Variants in TMEM54 observed in about 807,000 individuals in gnomAD.
TMEM54 encodes transmembrane protein 54.
TMEM54 carries 21 observed loss-of-function variants against 21.3 expected under a neutral mutation model. That is an observed-to-expected ratio of 0.99 (90% confidence interval 0.70 to 1.42). TMEM54 has a LOEUF of 1.42. Among genes scored for constraint, TMEM54 ranks in the 40% most tolerant of loss-of-function variants. The pLI is 0.00. For synonymous variants in TMEM54, 109 were observed against 125.0 expected (o/e 0.87, Z 0.86); for missense variants, 246 against 294.0 (o/e 0.84, Z 1.19).
At chr1:32,894,987 G>C in intron 5 of TMEM54, 108 bp from the exon 6 acceptor site, 1 of 1,505,528 alleles carries the variant, frequency 6.6e-7, no homozygotes, top group Non-Finnish European at 8.9e-7. Context: ...CTCTCTGGGG[G>C]CAAAGGGGCA....
At chr1:32,900,865 G>A (rs2124059428) in intron 1 of TMEM54, among the ~76,000 whole-genome samples, 1 of 152,362 alleles carries the variant, frequency 6.6e-6, no homozygotes, top group East Asian at 1.9e-4. Context: ...GGGAAGCTGA[G>A]GCCTGGCCCC....
chr1:32,898,025 CT>C (rs1247312297), intron 2 of TMEM54, 100 bp downstream of exon 2: 2 of 1,141,430 alleles, frequency 1.8e-6, no homozygotes, highest in African/African-American at 3.1e-5. Flanking sequence ...GTCCTTGAGG[CT>C]GTCTGCTTAC....
At position 32,896,626 on chromosome 1, in the gene TMEM54, C is replaced by T. The variant is rs116219318; in HGVS notation, c.211-657G>A. On this transcript the variant is annotated intron_variant, in intron 2 of 5. Transcript: ENST00000373463. This position sits in a 1 kb window ranked among gnomAD's most constrained non-coding sequence, Gnocchi z 4.1. ...TTGCACACGTTTCCCTAACCAGCCT[C>T]GATCCCAAGGGGTGGGGCTACCCCA... Among the ~76,000 whole-genome samples, 343 of 152,354 alleles carry T rather than the reference C, an allele frequency of 2.3e-3. 1 individual carries two copies. The highest frequency in any genetic ancestry group is 7.7e-3 in the African/African-American group (321 of 41,588).
Position 32,898,168 on chromosome 1 carries a change from C to G in TMEM54, c.168G>C (p.Gln56His), listed in dbSNP as rs369028400. 1.4e-5 allele frequency: 23 copies of G among 1,611,564 alleles called. No homozygotes were observed. Among genetic ancestry groups the G allele is most frequent in the Non-Finnish European group, 1.7e-5 (20 of 1,177,908 alleles). Reference sequence around the variant, plus strand: ...CAGAGAGGATGTTGACCACGCAGTACTGCAGAGCCACCGCATCTTGAGGGG... The same window carrying G: ...CAGAGAGGATGTTGACCACGCAGTAGTGCAGAGCCACCGCATCTTGAGGGG... ...VGTPQDAVAL[Q>H]YCVVNILSVT... Residue 56 changes from glutamine to histidine, a missense_variant, in exon 2 of 6, where the codon CAG (glutamine) becomes CAC (histidine). Transcript: ENST00000373463.
rs1317864371 is a variant in TMEM54, at chr1:32,897,353, G to A, written c.210+773C>T. On this transcript the variant is annotated intron_variant, in intron 2 of 5. Coordinates refer to ENST00000373463, the MANE Select transcript of TMEM54 (RefSeq NM_033504.4). This position sits in a 1 kb window ranked among gnomAD's most constrained non-coding sequence, Gnocchi z 4.9. Reference sequence around the variant, plus strand: ...GATGGAACTCAGACACTGATGTGCGGGAGGATCTTCCCCCGAGGCTGTGGC... The same window carrying A: ...GATGGAACTCAGACACTGATGTGCGAGAGGATCTTCCCCCGAGGCTGTGGC... Among the ~76,000 whole-genome samples, 1 of 152,190 alleles carries A rather than the reference G, an allele frequency of 6.6e-6. No homozygotes were observed. Among genetic ancestry groups the A allele is most frequent in the Non-Finnish European group, 1.5e-5 (1 of 68,040 alleles).
At position 32,895,281 on chromosome 1, in the gene TMEM54, G is replaced by T. The variant is rs755965238; in HGVS notation, c.594+24C>A. On this transcript the variant is annotated intron_variant, in intron 5 of 5. Coordinates refer to ENST00000373463, the MANE Select transcript of TMEM54 (RefSeq NM_033504.4). The surrounding 1 kb of genome is among the most constrained non-coding windows in gnomAD (Gnocchi z 5.8). ...CAGGGGCTCCCAGGAAATTCGGGGA[G>T]TCAGGGCTGTGGAGGGAACTTACCA... 1.9e-6 allele frequency: 3 copies of T among 1,595,224 alleles called. No individual in the cohort carries two copies. The highest frequency in any genetic ancestry group is 2.6e-6 in the Non-Finnish European group (3 of 1,167,252).
rs771183649 is a variant in TMEM54, at chr1:32,895,471, G to C, written c.460-32C>G. 2 of 1,601,482 alleles carry C rather than the reference G, an allele frequency of 1.2e-6. No homozygotes were observed. On this transcript the variant is annotated intron_variant, in intron 4 of 5. Transcript: ENST00000373463. This position sits in a 1 kb window ranked among gnomAD's most constrained non-coding sequence, Gnocchi z 5.8. ...GGCATGGGGCAGAGATGGCTGGCTG[G>C]AGTTGGGGGTGGAGGGTGGATTCCA...
In TMEM54 at chr1:32,895,877, C is replaced by T. The variant is rs1418065435; in HGVS notation, c.270+33G>A. The stretch of plus-strand genomic sequence containing the variant: ...CGGGTGGCTGCTGCCCCTACCCTTC[C>T]CTCACAGCCCCATCCCAGGAGGCAC... On this transcript the variant is annotated intron_variant, in intron 3 of 5. Coordinates refer to ENST00000373463, the MANE Select transcript of TMEM54 (RefSeq NM_033504.4). This position sits in a 1 kb window ranked among gnomAD's most constrained non-coding sequence, Gnocchi z 5.8. 1 of 1,603,756 alleles carries T rather than the reference C, an allele frequency of 6.2e-7. No homozygotes were observed. The highest frequency in any genetic ancestry group is 1.3e-5 in the African/African-American group (1 of 74,964).
intron 1 of TMEM54, among the ~76,000 whole-genome samples, chr1:32,898,984 C>T (rs1641663324): frequency 1.3e-5 from 2 of 152,000 alleles, no homozygotes; most frequent in Non-Finnish European, 2.9e-5. Flanking sequence ...TGTGGTGTAC[C>T]CTGAGGGTAC....
At chr1:32,898,705 GC>G (rs1380534811) in intron 1 of TMEM54, among the ~76,000 whole-genome samples, 8 of 152,108 alleles carry the variant, frequency 5.3e-5, no homozygotes, top group Non-Finnish European at 1.0e-4. Flanking sequence ...TCTGTGCCAG[GC>G]CCTGGGGTAC....
Position 32,901,099 on chromosome 1 carries a change from G to A in TMEM54, c.16+124C>T, listed in dbSNP as rs1570044131. 5.7e-6 allele frequency: 6 copies of A among 1,060,412 alleles called. No individual in the cohort carries two copies. Among genetic ancestry groups the A allele is most frequent in the Non-Finnish European group, 6.2e-6 (5 of 810,818 alleles). 65.7% of individuals were successfully genotyped at this position (1,060,412 alleles called of 1,614,324 possible). A position where few individuals can be genotyped will look rare whatever the true frequency, so the allele number is the denominator to read the frequency against. On this transcript the variant is annotated intron_variant, in intron 1 of 5. Coordinates refer to ENST00000373463, the MANE Select transcript of TMEM54 (RefSeq NM_033504.4). This position sits in a 1 kb window ranked among gnomAD's most constrained non-coding sequence, Gnocchi z 4.2. ...AGGAAAGTGACCCGACCCCGGCCTC[G>A]TAGTAAGTTAGAGGCAGAGCAGGTG...
rs867674916 is a variant in TMEM54, at chr1:32,895,625, G to A, written c.389C>T (p.Ala130Val). The A allele has an allele frequency of 6.4e-7, 1 of 1,571,208 alleles. No individual in the cohort carries two copies. The highest frequency in any genetic ancestry group is 1.2e-5 in the South Asian group (1 of 85,542). ...TAGTTCAGAGCTCCCAAAAGTGCAG[G>A]CAGCCAGCAGTGCCTTGCCCTGGGT... ...FATQGKALLAACTFGSSELLA... is the reference protein window; with the variant it reads ...FATQGKALLAVCTFGSSELLA... The change falls in exon 4 of 6, where the codon GCC becomes GTC. Residue 130 changes from alanine to valine, a missense_variant. Physicochemically the swap from Ala to Val is moderately conservative, Grantham distance 64. Coordinates refer to ENST00000373463, the MANE Select transcript of TMEM54 (RefSeq NM_033504.4). The surrounding 1 kb of genome is among the most constrained non-coding windows in gnomAD (Gnocchi z 5.8).
rs1340115521 is a variant in TMEM54, at chr1:32,895,228, GT to G, written c.594+76del. On this transcript the variant is annotated intron_variant, in intron 5 of 5. Coordinates refer to ENST00000373463, the MANE Select transcript of TMEM54 (RefSeq NM_033504.4). The surrounding 1 kb of genome is among the most constrained non-coding windows in gnomAD (Gnocchi z 5.8). ...TCAAGGTGGGGGCCCATACATAGGG[GT>G]GGGGCAGAGCAGCTTGGGCACCCTG... The G allele has an allele frequency of 1.5e-5, 23 of 1,527,246 alleles. No homozygotes were observed. Among genetic ancestry groups the G allele is most frequent in the Non-Finnish European group, 2.0e-5 (23 of 1,128,770 alleles). 94.6% of individuals were successfully genotyped at this position (1,527,246 alleles called of 1,614,324 possible).
In TMEM54 at chr1:32,895,179, G is replaced by T; in HGVS notation, c.594+126C>A. On this transcript the variant is annotated intron_variant, in intron 5 of 5. Coordinates refer to ENST00000373463, the MANE Select transcript of TMEM54 (RefSeq NM_033504.4). This position sits in a 1 kb window ranked among gnomAD's most constrained non-coding sequence, Gnocchi z 5.8. ...CTCCAGGCCTCTCCCTTTGCTCCTG[G>T]GGAGAAAACTTCTGCCCCATTTCTC... 1 of 1,367,206 alleles carries T rather than the reference G, an allele frequency of 7.3e-7. No individual in the cohort carries two copies. Among genetic ancestry groups the T allele is most frequent in the Non-Finnish European group, 9.8e-7 (1 of 1,022,006 alleles). 84.7% of individuals were successfully genotyped at this position (1,367,206 alleles called of 1,614,324 possible).
At position 32,895,803 on chromosome 1, in the gene TMEM54, G is replaced by A; in HGVS notation, c.271-60C>T. The A allele has an allele frequency of 1.3e-6, 2 of 1,547,956 alleles. No homozygotes were observed. Among genetic ancestry groups the A allele is most frequent in the Non-Finnish European group, 1.7e-6 (2 of 1,145,806 alleles). On this transcript the variant is annotated intron_variant, in intron 3 of 5. Transcript: ENST00000373463. This position sits in a 1 kb window ranked among gnomAD's most constrained non-coding sequence, Gnocchi z 5.8. ...TGCTTGGCCCCCATGGGCAGCTCTG[G>A]CCTCCCTGAGGGTCAGCCTTACCCT...
At position 32,901,159 on chromosome 1, in the gene TMEM54, G is replaced by C; in HGVS notation, c.16+64C>G. On this transcript the variant is annotated intron_variant, in intron 1 of 5. Coordinates refer to ENST00000373463, the MANE Select transcript of TMEM54 (RefSeq NM_033504.4). This position sits in a 1 kb window ranked among gnomAD's most constrained non-coding sequence, Gnocchi z 4.2. Reference sequence around the variant, plus strand: ...CCTGGGGGCTCGGGTTCCGGGCTCAGTGCTCCGCTCCTGTGGGAGGGTTGG... The same window carrying C: ...CCTGGGGGCTCGGGTTCCGGGCTCACTGCTCCGCTCCTGTGGGAGGGTTGG... 7.2e-7 allele frequency: 1 copy of C among 1,386,860 alleles called. No individual in the cohort carries two copies. Among genetic ancestry groups the C allele is most frequent in the African/African-American group, 1.5e-5 (1 of 68,016 alleles). The allele number at this position is 1,386,860 out of a possible 1,614,324, so 85.9% of individuals were successfully genotyped here. A position where few individuals can be genotyped will look rare whatever the true frequency, so the allele number is the denominator to read the frequency against.
rs375848678 is a variant in TMEM54 at position 32,895,289 on chromosome 1, T to C, written c.594+16A>G. 5.5e-5 allele frequency: 88 copies of C among 1,601,654 alleles called. No individual in the cohort carries two copies. In the Admixed American group the frequency reaches 8.4e-4, roughly 15 times the overall value. On this transcript the variant is annotated intron_variant, in intron 5 of 5. Coordinates refer to ENST00000373463, the MANE Select transcript of TMEM54 (RefSeq NM_033504.4). The surrounding 1 kb of genome is among the most constrained non-coding windows in gnomAD (Gnocchi z 5.8). ...CCCAGGAAATTCGGGGAGTCAGGGC[T>C]GTGGAGGGAACTTACCATGTGGTGG... is the stretch of plus-strand genomic sequence containing the variant.
chr1:32,896,574 T>G lies in TMEM54; in HGVS notation c.211-605A>C, dbSNP rs1404026513. 6.6e-6 allele frequency among the ~76,000 whole-genome samples: 1 copy of G among 152,202 alleles called. No individual in the cohort carries two copies. The highest frequency in any genetic ancestry group is 1.5e-5 in the Non-Finnish European group (1 of 68,034). On this transcript the variant is annotated intron_variant, in intron 2 of 5. Coordinates refer to ENST00000373463, the MANE Select transcript of TMEM54 (RefSeq NM_033504.4). The surrounding 1 kb of genome is among the most constrained non-coding windows in gnomAD (Gnocchi z 4.1). ...TCTCACCTTCCTGCTCCTCTGCCCG[T>G]GTGGATCCTGCAAGCCCTGCTCAGG...
chr1:32,895,765 T>C lies in TMEM54; in HGVS notation c.271-22A>G, dbSNP rs1422518921. 6.5e-7 allele frequency: 1 copy of C among 1,549,750 alleles called. No individual in the cohort carries two copies. Among genetic ancestry groups the C allele is most frequent in the Non-Finnish European group, 8.7e-7 (1 of 1,146,298 alleles). ...AGCGCTGGACGGGGGAGGCCACTGG[T>C]CAATGGGCGTCGTGCTTGGCCCCCA... On this transcript the variant is annotated intron_variant, in intron 3 of 5. Transcript: ENST00000373463. The surrounding 1 kb of genome is among the most constrained non-coding windows in gnomAD (Gnocchi z 5.8).
Sources: allele counts gnomAD v4.1 joint callset (sites outside exome capture counted in the v4.1 genomes callset), GRCh38; gene constraint gnomAD v4.1.1; non-coding constraint Gnocchi (gnomAD v3.1); transcripts MANE v1.5; gene names NCBI Gene and HGNC (gene_info 2026-07-23, HGNC 2026-07-21).